ACSM2A: variants seen among roughly 807,000 people sequenced by gnomAD.
ACSM2A encodes acyl-CoA synthetase medium chain family member 2A.
ACSM2A carries 72 observed loss-of-function variants against 76.6 expected under a neutral mutation model. The ratio of observed to expected loss-of-function variants is 0.94; its 90% confidence interval spans 0.78 to 1.14. The LOEUF (loss-of-function observed/expected upper bound fraction) is 1.14. Ranked by LOEUF, ACSM2A falls within the 50% of genes most tolerant of loss-of-function variation. The probability of loss-of-function intolerance (pLI) is 0.00; values close to 1 mark genes in which losing one functional copy is unlikely to be tolerated. For synonymous variants in ACSM2A, 249 were observed against 255.9 expected, an observed-to-expected ratio of 0.97 and a Z score of 0.26; for missense variants, 684 against 708.5, an observed-to-expected ratio of 0.97 and a Z score of 0.39.
At chr16:20,459,510 G>C (rs1194664692) in intron 1 of ACSM2A, among the ~76,000 whole-genome samples, 2 of 152,170 alleles carry the variant, frequency 1.3e-5, no homozygotes, top group Non-Finnish European at 2.9e-5. Context: ...GGCCATGCTA[G>C]GCTCAGCTCA....
chr16:20,477,541 T>A (rs2013821426), intron 9 of ACSM2A, 92 bp downstream of exon 9: 15 of 1,472,444 alleles, frequency 1.0e-5, no homozygotes, highest in Non-Finnish European at 1.3e-5. Flanking sequence ...TCAAAAATAA[T>A]AGAAAGTACT....
chr16:20,477,910 T>C (rs934207580), intron 9 of ACSM2A, among the ~76,000 whole-genome samples: 2 of 152,212 alleles, frequency 1.3e-5, no homozygotes, highest in African/African-American at 4.8e-5. Flanking sequence ...CAGTTTTCAC[T>C]AGTAAAAATA....
intron 5 of ACSM2A, among the ~76,000 whole-genome samples, 156 bp from the exon 6 acceptor site, chr16:20,471,380 T>C (rs1471827630): frequency 6.6e-6 from 1 of 152,188 alleles, no homozygotes; most frequent in Non-Finnish European, 1.5e-5. Flanking sequence ...TTCTTCCCCC[T>C]TCCTACTTAT....
At chr16:20,468,446 G>C (rs1467868684) in intron 3 of ACSM2A, among the ~76,000 whole-genome samples, 1 of 152,178 alleles carries the variant, frequency 6.6e-6, no homozygotes, top group Non-Finnish European at 1.5e-5. Context: ...TTGGCTCACT[G>C]CCTCCCAGGT....
At chr16:20,478,504 A>G (rs1303857689) in intron 9 of ACSM2A, 72 bp from the exon 10 acceptor site, 2 of 1,545,974 alleles carry the variant, frequency 1.3e-6, no homozygotes, top group Admixed American at 1.8e-5. Context: ...TGACCAATTC[A>G]GCAATCTCAT....
chr16:20,476,564 G>A, intron 8 of ACSM2A: 19 of 985,336 alleles, frequency 1.9e-5, no homozygotes, highest in Non-Finnish European at 2.3e-5. Context: ...CCCTGGCAGG[G>A]GCCTCCCACC....
chr16:20,459,650 C>G (rs1037109159), intron 1 of ACSM2A, among the ~76,000 whole-genome samples: 3 of 152,106 alleles, frequency 2.0e-5, no homozygotes, highest in Non-Finnish European at 4.4e-5. Flanking sequence ...ACTCACATCT[C>G]GTTGACCAAA....
chr16:20,453,027 C>T (rs536799954), intron 1 of ACSM2A, among the ~76,000 whole-genome samples: 3 of 152,126 alleles, frequency 2.0e-5, no homozygotes, highest in South Asian at 2.1e-4. Flanking sequence ...TTCTATCTCA[C>T]CGCTTCAGAA....
At chr16:20,466,902 G>C (rs1438933881) in intron 3 of ACSM2A, among the ~76,000 whole-genome samples, 1 of 152,142 alleles carries the variant, frequency 6.6e-6, no homozygotes, top group Non-Finnish European at 1.5e-5. Context: ...TGACAAATTT[G>C]TTATTTTTCT....
intron 2 of ACSM2A, among the ~76,000 whole-genome samples, chr16:20,463,506 A>G (rs1318518312): frequency 6.6e-6 from 1 of 151,854 alleles, no homozygotes; most frequent in Non-Finnish European, 1.5e-5. Context: ...TTGTTTTAAC[A>G]TACATGGCAC....
chr16:20,477,593 G>A lies in ACSM2A; in HGVS notation c.1179+144G>A, dbSNP rs1358170648. 5 of 1,417,548 alleles carry A rather than the reference G, an allele frequency of 3.5e-6. No individual in the cohort carries two copies. In the African/African-American group the frequency reaches 4.3e-5, roughly 12 times the overall value. The allele number at this position is 1,417,548 out of a possible 1,614,324, so 87.8% of individuals were successfully genotyped here. On this transcript the variant is annotated intron_variant, in intron 9 of 13. Transcript: ENST00000573854. ...AAGAAAAAAAGGAGGTAGGGAGGTT[G>A]GGGGAAGGAAAGAGTGAGGGAAGGA...
rs1026836545 is a variant in ACSM2A at position 20,453,820 on chromosome 16, G to A, written c.-9+2139G>A. On this transcript the variant is annotated intron_variant, in intron 1 of 13. Transcript: ENST00000573854. ...CTCTCTGGGAGTGTTTGTCTTATGC[G>A]GTTGAGATAAGGACTGAAATACGCC... is the stretch of plus-strand genomic sequence containing the variant. 4.7e-5 allele frequency: 6 copies of A among 128,930 alleles called. 1 individual carries two copies. In the East Asian group the frequency reaches 1.6e-3, roughly 33 times the overall value. 8.0% of individuals were successfully genotyped at this position (128,930 alleles called of 1,614,324 possible). A position where few individuals can be genotyped will look rare whatever the true frequency, so the allele number is the denominator to read the frequency against.
intron 12 of ACSM2A, chr16:20,481,172 C>A (rs1267601081): frequency 2.4e-5 from 12 of 498,224 alleles, no homozygotes; most frequent in Non-Finnish European, 4.3e-5. Context: ...ATGGTGATTT[C>A]TAAAAAAACT....
intron 2 of ACSM2A, 93 bp from the exon 3 acceptor site, chr16:20,465,424 C>A: frequency 6.6e-7 from 1 of 1,508,134 alleles, no homozygotes; most frequent in Non-Finnish European, 8.9e-7. Flanking sequence ...AAAAACCTTA[C>A]TAAGCACCAA....
chr16:20,475,059 G>C (rs2013649370), intron 6 of ACSM2A, among the ~76,000 whole-genome samples: 1 of 152,170 alleles, frequency 6.6e-6, no homozygotes, highest in Admixed American at 6.5e-5. Context: ...CTACTCCTAG[G>C]GGTGTGTTAA....
chr16:20,463,226 T>C (rs2012745638), intron 2 of ACSM2A, among the ~76,000 whole-genome samples: 1 of 150,088 alleles, frequency 6.7e-6, no homozygotes, highest in Non-Finnish European at 1.5e-5. Context: ...AAACTTAAAG[T>C]ATAATAATAA....
intron 9 of ACSM2A, among the ~76,000 whole-genome samples, chr16:20,477,675 T>G (rs978493519): frequency 6.6e-6 from 1 of 152,192 alleles, no homozygotes; most frequent in Non-Finnish European, 1.5e-5. Context: ...CCACTTTGAA[T>G]AGCTAGCAAA....
chr16:20,475,247 A>G, intron 6 of ACSM2A, 115 bp from the exon 7 acceptor site: 1 of 1,574,238 alleles, frequency 6.4e-7, no homozygotes, highest in South Asian at 1.2e-5. Context: ...TAAACAAGCT[A>G]GGGTTTTCAT....
At chr16:20,457,835 G>C (rs1356626897) in intron 1 of ACSM2A, among the ~76,000 whole-genome samples, 1 of 152,016 alleles carries the variant, frequency 6.6e-6, no homozygotes, top group Non-Finnish European at 1.5e-5. Flanking sequence ...ACAAGAGAAA[G>C]AAATAAATGT....
Sources: gnomAD v4.1 joint callset for allele counts (sites outside exome capture counted in the v4.1 genomes callset) on GRCh38, gnomAD v4.1.1 for gene constraint, MANE v1.5 for transcripts, NCBI Gene and HGNC (gene_info 2026-07-23, HGNC 2026-07-21) for gene names.